The following BSG variants were observed in gnomAD, a reference collection of about 807,000 sequenced individuals.
The protein encoded by BSG is basigin.
In BSG, 37 loss-of-function variants were observed where a neutral mutation model predicts 43.1. The ratio of observed to expected loss-of-function variants is 0.86; its 90% confidence interval spans 0.66 to 1.13. BSG has a LOEUF of 1.13. BSG is among the 50% of genes most tolerant of loss of function. The probability of loss-of-function intolerance (pLI) is 0.00; values close to 1 mark genes in which losing one functional copy is unlikely to be tolerated. For synonymous variants in BSG, 309 were observed against 238.7 expected (o/e 1.29, Z -2.72); for missense variants, 599 against 554.2 (o/e 1.08, Z -0.81).
At chr19:580,306 C>T in intron 3 of BSG, 73 bp from the exon 4 acceptor site, 1 of 1,408,642 alleles carries the variant, frequency 7.1e-7, no homozygotes, top group Non-Finnish European at 9.8e-7. Flanking sequence ...TGGTTGGGCC[C>T]CTGGAGAACC....
chr19:580,599 G>A (rs1488804169), intron 4 of BSG, 47 bp from the exon 5 acceptor site: 1 of 1,609,402 alleles, frequency 6.2e-7, no homozygotes, highest in East Asian at 2.2e-5. Context: ...GCCGGGGATG[G>A]GGGCGGGCCT....
At chr19:580,292 G>T in intron 3 of BSG, 87 bp from the exon 4 acceptor site, 1 of 1,237,358 alleles carries the variant, frequency 8.1e-7, no homozygotes, top group East Asian at 2.3e-5. Context: ...TTTTCACTGT[G>T]CCGTGGTTGG....
intron 1 of BSG, among the ~76,000 whole-genome samples, chr19:574,636 C>T (rs528018464): frequency 6.6e-6 from 1 of 152,176 alleles, no homozygotes; most frequent in African/African-American, 2.4e-5. Flanking sequence ...CCTGAAGGGT[C>T]AAGAGCAAGG....
chr19:571,726 T>C (rs542900928), upstream of BSG: 112 of 689,968 alleles, frequency 1.6e-4, 2 homozygotes, highest in African/African-American at 1.7e-3. Context: ...CTGCGTGGGA[T>C]GCAATCTCCA....
At chr19:574,428 C>T (rs925328700) in intron 1 of BSG, among the ~76,000 whole-genome samples, 9 of 152,164 alleles carry the variant, frequency 5.9e-5, no homozygotes, top group Non-Finnish European at 1.5e-5. Context: ...TGGCGGGCGC[C>T]TGTAGTCCCA....
chr19:579,330 G>A (rs1419751770), intron 2 of BSG, 170 bp from the exon 3 acceptor site: 1 of 906,708 alleles, frequency 1.1e-6, no homozygotes, highest in Non-Finnish European at 1.7e-6. Context: ...CCGGAGGCGT[G>A]GCCAGAAGTT....
chr19:579,255 G>A, intron 2 of BSG: 1 of 468,238 alleles, frequency 2.1e-6, no homozygotes, highest in Non-Finnish European at 3.7e-6. Flanking sequence ...CCAGCGAAGG[G>A]TGCCTTCCCG....
At chr19:580,095 T>C (rs942178234) in intron 3 of BSG, 4 of 459,420 alleles carry the variant, frequency 8.7e-6, no homozygotes, top group African/African-American at 8.0e-5. Context: ...TCAGGCTGAC[T>C]GGGAAGACGG....
chr19:580,549 G>A, intron 4 of BSG, 88 bp downstream of exon 4: 1 of 1,603,758 alleles, frequency 6.2e-7, no homozygotes, highest in Admixed American at 1.7e-5. Context: ...CAGAGCCCTG[G>A]CCCCCTGCTC....
Position 580,397 on chromosome 19 carries a change from G to T in BSG, c.591G>T (p.Gln197His). The T allele has an allele frequency of 6.2e-7, 1 of 1,611,242 alleles. No homozygotes were observed. Among genetic ancestry groups the T allele is most frequent in the Non-Finnish European group, 8.5e-7 (1 of 1,179,934 alleles). Residue 197 changes from glutamine to histidine, a missense_variant, in exon 4 of 9, where the codon CAG becomes CAT. Coordinates refer to ENST00000333511, the MANE Select transcript of BSG (RefSeq NM_001728.4). ...GTTGCAGGGTGGACTCCGACGACCA[G>T]TGGGGAGAGTACTCCTGCGTCTTCC... ...KTEFKVDSDD[Q>H]WGEYSCVFLP...
rs1982302938 is a variant in BSG at position 581,375 on chromosome 19, C to T, written c.853C>T (p.Leu285=). ...FVSSSQGRSE[L]HIENLNMEAD... Reference sequence around the variant, plus strand: ...GAGTTCCTCGCAGGGCCGGTCAGAGCTACACATTGAGAACCTGAACATGGA... The same window carrying T: ...GAGTTCCTCGCAGGGCCGGTCAGAGTTACACATTGAGAACCTGAACATGGA... The change falls in exon 6 of 9, where the codon CTA becomes TTA. Residue 285 remains leucine (L), a synonymous_variant. Coordinates refer to ENST00000333511, the MANE Select transcript of BSG (RefSeq NM_001728.4). 1.2e-6 allele frequency: 2 copies of T among 1,612,854 alleles called. No individual in the cohort carries two copies. Among genetic ancestry groups the T allele is most frequent in the South Asian group, 1.1e-5 (1 of 91,090 alleles).
At chr19:572,737 C>T in intron 1 of BSG, 36 bp downstream of exon 1, 1 of 1,433,744 alleles carries the variant, frequency 7.0e-7, no homozygotes, top group Non-Finnish European at 9.2e-7. Flanking sequence ...TGCGGTCCTG[C>T]AGGGGCCGGG....
intron 1 of BSG, among the ~76,000 whole-genome samples, chr19:574,483 G>A (rs1981586194): frequency 6.6e-6 from 1 of 152,100 alleles, no homozygotes; most frequent in Admixed American, 6.5e-5. Context: ...AACCAGGGAG[G>A]CGGAGCTTGC....
intron 1 of BSG, 44 bp downstream of exon 1, chr19:572,745 G>A (rs748452153): frequency 1.4e-6 from 2 of 1,406,312 alleles, no homozygotes; most frequent in Admixed American, 5.9e-5. Flanking sequence ...TGCAGGGGCC[G>A]GGAATGGAGG....
chr19:582,602 C>A lies in BSG; in HGVS notation c.*5+20C>A. On this transcript the variant is annotated intron_variant, in intron 8 of 8. Coordinates refer to ENST00000333511, the MANE Select transcript of BSG (RefSeq NM_001728.4). ...AGGCAGGTGCGGTGGGCGGGAGCTC[C>A]TCCTGAGCCAGGTGTGGTGGGTGGG... The A allele has an allele frequency of 2.2e-6, 2 of 891,192 alleles. No individual in the cohort carries two copies. Among genetic ancestry groups the A allele is most frequent in the East Asian group, 1.3e-4 (2 of 15,544 alleles). The allele number at this position is 891,192 out of a possible 1,614,324, so 55.2% of individuals were successfully genotyped here. A position where few individuals can be genotyped will look rare whatever the true frequency, so the allele number is the denominator to read the frequency against.
Position 579,620 on chromosome 19 carries a change from A to G in BSG, c.536A>G (p.Lys179Arg). The G allele has an allele frequency of 1.2e-6, 2 of 1,612,284 alleles. No homozygotes were observed. Among genetic ancestry groups the G allele is most frequent in the Non-Finnish European group, 1.7e-6 (2 of 1,179,738 alleles). ...TGGCTGAAGGGGGGCGTGGTGCTGAAGGAGGACGCGCTGCCCGGCCAGAAA... is the reference window on the plus strand; with the variant it reads ...TGGCTGAAGGGGGGCGTGGTGCTGAGGGAGGACGCGCTGCCCGGCCAGAAA... Reference protein sequence around the residue: ...HRWLKGGVVLKEDALPGQKTE... With the variant: ...HRWLKGGVVLREDALPGQKTE... Residue 179 changes from lysine to arginine, a missense_variant, in exon 3 of 9, where the codon AAG (lysine) becomes AGG (arginine). Coordinates refer to ENST00000333511, the MANE Select transcript of BSG (RefSeq NM_001728.4).
In BSG at chr19:580,454, G is replaced by C. The variant is rs1248227083; in HGVS notation, c.648G>C (p.Gln216His). ...LPEPMGTANI[Q>H]LHGPPRVKAV... ...AGCCCATGGGCACGGCCAACATCCAGCTCCACGGTGAGTCCTGCAGCCAGG... is the reference window on the plus strand; with the variant it reads ...AGCCCATGGGCACGGCCAACATCCACCTCCACGGTGAGTCCTGCAGCCAGG... The change falls in exon 4 of 9, where the codon CAG becomes CAC. Residue 216 changes from glutamine (Q) to histidine (H), a missense_variant. Coordinates refer to ENST00000333511, the MANE Select transcript of BSG (RefSeq NM_001728.4). The C allele has an allele frequency of 6.2e-7, 1 of 1,610,604 alleles. No homozygotes were observed. Among genetic ancestry groups the C allele is most frequent in the Admixed American group, 1.7e-5 (1 of 60,008 alleles).
In BSG at chr19:580,689, C is replaced by T. The variant is rs1019872664; in HGVS notation, c.699C>T (p.Asn233=). The T allele has an allele frequency of 2.0e-5, 33 of 1,612,734 alleles. No homozygotes were observed. Among genetic ancestry groups the T allele is most frequent in the South Asian group, 2.0e-4 (18 of 91,090 alleles). The change falls in exon 5 of 9, where the codon AAC becomes AAT. Residue 233 remains asparagine (N), a synonymous_variant. Transcript: ENST00000333511. The stretch of plus-strand genomic sequence containing the variant: ...CTGTGAAGTCGTCAGAACACATCAA[C>T]GAGGGGGAGACGGCCATGCTGGTCT... ...VKAVKSSEHI[N]EGETAMLVCK... is the part of the protein sequence containing the mutation.
At chr19:572,507 G>A (rs547384835), upstream of BSG, 10 of 1,208,400 alleles carry the variant, frequency 8.3e-6, no homozygotes, top group East Asian at 3.5e-4. Context: ...CGTCCCCGGC[G>A]CTCGCCCCGC....
Sources: allele counts gnomAD v4.1 joint callset (sites outside exome capture counted in the v4.1 genomes callset), GRCh38; gene constraint gnomAD v4.1.1; transcripts MANE v1.5; gene names NCBI Gene and HGNC (gene_info 2026-07-23, HGNC 2026-07-21).